ROBO1: variants seen among roughly 807,000 people sequenced by gnomAD.
ROBO1 encodes roundabout homolog 1.
A neutral mutation model predicts 195.9 loss-of-function variants in ROBO1; 149 were observed. The observed-to-expected ratio is 0.76, with a 90% CI of 0.67 to 0.87. ROBO1 has a LOEUF of 0.87. Among genes scored for constraint, ROBO1 ranks in the 40% least tolerant of loss-of-function variants. The pLI is 0.00. For synonymous variants in ROBO1, 816 were observed against 733.2 expected, an observed-to-expected ratio of 1.11 and a Z score of -1.82; for missense variants, 1,933 against 2,068.3, an observed-to-expected ratio of 0.93 and a Z score of 1.27.
In ROBO1 at chr3:78,832,082, T is replaced by C. The variant is rs76650621; in HGVS notation, c.500-85182A>G. On this transcript the variant is annotated intron_variant, in intron 4 of 30. Transcript: ENST00000464233. ...CTGTTAACACTTAGTAATGCACACA[T>C]GGGGGTTAATTTTATTATTTTTTTC... Among the ~76,000 whole-genome samples, 739 of 152,202 alleles carry C rather than the reference T, an allele frequency of 4.9e-3. 8 individuals carry two copies. Among genetic ancestry groups the C allele is most frequent in the African/African-American group, 0.017 (701 of 41,522 alleles).
At chr3:78,722,626 T>C (rs947154863) in intron 5 of ROBO1, among the ~76,000 whole-genome samples, 3 of 152,158 alleles carry the variant, frequency 2.0e-5, no homozygotes, top group African/African-American at 7.2e-5. Context: ...ACTCAAGGTA[T>C]TCTTTACCAA....
At chr3:78,704,459 G>A (rs1451948965) in intron 8 of ROBO1, among the ~76,000 whole-genome samples, 1 of 152,006 alleles carries the variant, frequency 6.6e-6, no homozygotes, top group Non-Finnish European at 1.5e-5. Flanking sequence ...CTCCAGAGGT[G>A]TTTTTGAATG....
intron 2 of ROBO1, among the ~76,000 whole-genome samples, chr3:79,263,315 A>C (rs1251728856): frequency 6.6e-6 from 1 of 152,030 alleles, no homozygotes; most frequent in Admixed American, 6.6e-5. Flanking sequence ...AACAAAGACC[A>C]GTCTCTCCAT....
At chr3:78,810,251 A>G (rs1212498394) in intron 4 of ROBO1, among the ~76,000 whole-genome samples, 1 of 152,190 alleles carries the variant, frequency 6.6e-6, no homozygotes, top group Non-Finnish European at 1.5e-5. Context: ...TTTGTTTGGG[A>G]CATTTTTGGC....
At position 79,329,959 on chromosome 3, in the gene ROBO1, T is replaced by C. The variant is rs557581943; in HGVS notation, c.89-204420A>G. Among the ~76,000 whole-genome samples the C allele has an allele frequency of 2.0e-5, 3 of 152,198 alleles. No individual in the cohort carries two copies. In the South Asian group the frequency reaches 6.2e-4, roughly 32 times the overall value. ...CTCTGGACCAGTAAACTCCAGATAT[T>C]TTTACTGGAACTCGCAGATGGTAAA... On this transcript the variant is annotated intron_variant, in intron 2 of 30. Coordinates refer to ENST00000464233, the MANE Select transcript of ROBO1 (RefSeq NM_002941.4).
At chr3:78,801,517 A>G (rs1160559759) in intron 4 of ROBO1, among the ~76,000 whole-genome samples, 1 of 152,158 alleles carries the variant, frequency 6.6e-6, no homozygotes, top group Non-Finnish European at 1.5e-5. Flanking sequence ...AAAAATACAC[A>G]GACATAAAAT....
chr3:79,467,945 G>T (rs1938058971), intron 2 of ROBO1, among the ~76,000 whole-genome samples: 1 of 152,168 alleles, frequency 6.6e-6, no homozygotes, highest in South Asian at 2.1e-4. Context: ...GGCATATCCT[G>T]TGAGCGGAGG....
intron 2 of ROBO1, among the ~76,000 whole-genome samples, chr3:79,384,584 G>A (rs2036673433): frequency 6.6e-6 from 1 of 151,896 alleles, no homozygotes; most frequent in African/African-American, 2.4e-5. Context: ...TTTATTATAA[G>A]GTAGATGAGG....
intron 4 of ROBO1, among the ~76,000 whole-genome samples, chr3:78,867,735 C>G (rs1460759958): frequency 6.6e-6 from 1 of 152,170 alleles, no homozygotes; most frequent in African/African-American, 2.4e-5. Flanking sequence ...GCTCTTCAGA[C>G]TTCCAGAAAT....
intron 2 of ROBO1, among the ~76,000 whole-genome samples, chr3:79,138,869 T>C (rs2080467176): frequency 6.6e-6 from 1 of 151,886 alleles, no homozygotes; most frequent in Non-Finnish European, 1.5e-5. Flanking sequence ...CTGATTTGAA[T>C]GAATGGAGTG....
chr3:79,726,741 T>C (rs1053501356), intron 1 of ROBO1, among the ~76,000 whole-genome samples: 2 of 152,148 alleles, frequency 1.3e-5, no homozygotes, highest in African/African-American at 2.4e-5. Flanking sequence ...ATATTTCTCA[T>C]GAGGCGAAAA....
intron 1 of ROBO1, among the ~76,000 whole-genome samples, chr3:79,752,659 A>G (rs927413928): frequency 6.6e-6 from 1 of 152,168 alleles, no homozygotes; most frequent in East Asian, 1.9e-4. Flanking sequence ...GCTGATTGGC[A>G]TATTTGAAAG....
chr3:78,638,935 T>A (rs1297557832), intron 22 of ROBO1, among the ~76,000 whole-genome samples: 1 of 151,892 alleles, frequency 6.6e-6, no homozygotes, highest in East Asian at 1.9e-4. Context: ...CTTATCAACA[T>A]AAATACATTT....
chr3:78,746,428 A>G (rs553703432), intron 5 of ROBO1, among the ~76,000 whole-genome samples: 4 of 152,182 alleles, frequency 2.6e-5, no homozygotes, highest in Admixed American at 6.5e-5. Flanking sequence ...AGTTTTTACT[A>G]TAACACATGG....
intron 1 of ROBO1, among the ~76,000 whole-genome samples, chr3:79,719,766 G>A (rs1311968520): frequency 1.3e-5 from 2 of 152,028 alleles, no homozygotes; most frequent in African/African-American, 4.8e-5. Context: ...CAAATTAAGT[G>A]CTCAATGAAT....
intron 2 of ROBO1, among the ~76,000 whole-genome samples, chr3:79,357,101 T>G (rs2035587277): frequency 1.3e-5 from 2 of 152,170 alleles, no homozygotes; most frequent in South Asian, 4.1e-4. Flanking sequence ...ATCTTCATAA[T>G]CATTAGTGTA....
intron 4 of ROBO1, among the ~76,000 whole-genome samples, chr3:78,822,056 T>C (rs937619223): frequency 2.6e-5 from 4 of 151,496 alleles, no homozygotes; most frequent in Non-Finnish European, 1.5e-5. Context: ...AGCTGATGTA[T>C]AATTATACAT....
chr3:79,144,424 C>T (rs889716156), intron 2 of ROBO1, among the ~76,000 whole-genome samples: 2 of 151,908 alleles, frequency 1.3e-5, no homozygotes, highest in Non-Finnish European at 2.9e-5. Context: ...TTTTCCCCTA[C>T]TGTCTACTCC....
chr3:79,750,395 G>A (rs59894075), intron 1 of ROBO1, among the ~76,000 whole-genome samples: 63,935 of 151,968 alleles, frequency 0.42, 13,650 homozygotes, highest in African/African-American at 0.47. Context: ...ATGAGTTAAA[G>A]CTCTGGGGGA....
Sources: allele counts gnomAD v4.1 joint callset (sites outside exome capture counted in the v4.1 genomes callset), GRCh38; gene constraint gnomAD v4.1.1; transcripts MANE v1.5; gene names NCBI Gene and HGNC (gene_info 2026-07-23, HGNC 2026-07-21).